PRKG1: variants seen among roughly 807,000 people sequenced by gnomAD.
PRKG1 encodes the protein cGMP-dependent protein kinase 1.
PRKG1 carries 35 observed loss-of-function variants against 88.1 expected under a neutral mutation model. The ratio of observed to expected loss-of-function variants is 0.40; its 90% CI spans 0.30 to 0.53. The LOEUF (loss-of-function observed/expected upper bound fraction) is 0.53. PRKG1 is among the 20% of genes least tolerant of loss of function. PRKG1 has a pLI of 0.59. For synonymous variants in PRKG1, 303 were observed against 292.5 expected (o/e 1.04, Z -0.37); for missense variants, 540 against 839.8 (o/e 0.64, Z 4.41).
At chr10:51,119,763 T>C (rs1845216802) in intron 1 of PRKG1, among the ~76,000 whole-genome samples, 1 of 152,086 alleles carries the variant, frequency 6.6e-6, no homozygotes, top group South Asian at 2.1e-4. Context: ...AAATGACACT[T>C]AGAATTAAGT....
chr10:51,846,512 G>T (rs1270226024), intron 4 of PRKG1, among the ~76,000 whole-genome samples: 4 of 152,092 alleles, frequency 2.6e-5, no homozygotes, highest in African/African-American at 7.2e-5. Flanking sequence ...GCAACCATTT[G>T]TTTACCTTAA....
chr10:51,661,632 G>C (rs925623550), intron 3 of PRKG1, among the ~76,000 whole-genome samples: 1 of 152,156 alleles, frequency 6.6e-6, no homozygotes, highest in African/African-American at 2.4e-5. Flanking sequence ...CTGTTGGTGG[G>C]AGTCTAAACT....
At chr10:51,906,020 G>A (rs1328596215) in intron 4 of PRKG1, among the ~76,000 whole-genome samples, 3 of 152,102 alleles carry the variant, frequency 2.0e-5, no homozygotes, top group East Asian at 3.8e-4. Context: ...TAAAGAGATC[G>A]TGATAGGAGA....
intron 1 of PRKG1, among the ~76,000 whole-genome samples, chr10:51,103,255 A>G (rs1844731270): frequency 6.6e-6 from 1 of 152,180 alleles, no homozygotes; most frequent in African/African-American, 2.4e-5. Context: ...TTGAAGGACA[A>G]TGTTTCCAAA....
At chr10:51,851,743 CT>C (rs1306340523) in intron 4 of PRKG1, among the ~76,000 whole-genome samples, 1 of 152,186 alleles carries the variant, frequency 6.6e-6, no homozygotes, top group African/African-American at 2.4e-5. Context: ...ATGCAATGCT[CT>C]TCTGGATATG....
intron 2 of PRKG1, among the ~76,000 whole-genome samples, chr10:51,315,687 G>C (rs770375695): frequency 6.6e-6 from 1 of 152,162 alleles, no homozygotes; most frequent in Non-Finnish European, 1.5e-5. Context: ...TAATTCAGTT[G>C]TGGGCCAATT....
chr10:51,631,006 C>A (rs1360257149), intron 3 of PRKG1, among the ~76,000 whole-genome samples: 1 of 152,196 alleles, frequency 6.6e-6, no homozygotes, highest in African/African-American at 2.4e-5. Flanking sequence ...TGCTTGGTCT[C>A]CATGTGGCAA....
chr10:51,180,026 T>C (rs1222326432), intron 2 of PRKG1, among the ~76,000 whole-genome samples: 1 of 152,224 alleles, frequency 6.6e-6, no homozygotes, highest in Non-Finnish European at 1.5e-5. Flanking sequence ...CTGTGAGCTG[T>C]CCACATATCT....
At chr10:52,204,060 A>T (rs1839745160) in intron 9 of PRKG1, among the ~76,000 whole-genome samples, 2 of 145,330 alleles carry the variant, frequency 1.4e-5, no homozygotes, top group African/African-American at 2.6e-5. Flanking sequence ...TCCTGTCACC[A>T]TGTTGTTCGC....
intron 7 of PRKG1, among the ~76,000 whole-genome samples, chr10:52,094,216 A>T (rs929183205): frequency 6.6e-6 from 1 of 152,142 alleles, no homozygotes; most frequent in Non-Finnish European, 1.5e-5. Flanking sequence ...ACAGTGAAGG[A>T]TTTGAAATTC....
chr10:51,426,506 C>T (rs191247117), intron 2 of PRKG1, among the ~76,000 whole-genome samples: 3 of 152,172 alleles, frequency 2.0e-5, no homozygotes, highest in Admixed American at 1.3e-4. Context: ...TGGTGATAGA[C>T]ATGTAGACAA....
At chr10:51,856,605 T>C (rs959174780) in intron 4 of PRKG1, among the ~76,000 whole-genome samples, 4 of 152,156 alleles carry the variant, frequency 2.6e-5, no homozygotes, top group Non-Finnish European at 4.4e-5. Context: ...ATAAGGCTAT[T>C]GTAATGATAT....
chr10:51,818,012 T>C (rs978345461), intron 4 of PRKG1, among the ~76,000 whole-genome samples: 5 of 152,294 alleles, frequency 3.3e-5, no homozygotes, highest in African/African-American at 1.2e-4. Context: ...CCAATTCATA[T>C]TTTAAGTCCT....
intron 3 of PRKG1, among the ~76,000 whole-genome samples, chr10:51,583,399 G>A (rs1183810358): frequency 1.3e-5 from 2 of 152,056 alleles, no homozygotes; most frequent in Non-Finnish European, 2.9e-5. Context: ...TCTCATCATT[G>A]TTTAGTCTTC....
chr10:51,685,091 T>A (rs185507570), intron 3 of PRKG1, among the ~76,000 whole-genome samples: 1 of 152,292 alleles, frequency 6.6e-6, no homozygotes, highest in East Asian at 1.9e-4. Flanking sequence ...TCTAGACCTG[T>A]AATGACCTTC....
At chr10:51,995,803 CTTAA>C (rs1179039707) in intron 5 of PRKG1, among the ~76,000 whole-genome samples, 2 of 151,970 alleles carry the variant, frequency 1.3e-5, no homozygotes, top group East Asian at 1.9e-4. Context: ...TGATATGAAG[CTTAA>C]TTGAGACAAT....
At chr10:51,122,299 C>T (rs912809375) in intron 1 of PRKG1, among the ~76,000 whole-genome samples, 1 of 152,156 alleles carries the variant, frequency 6.6e-6, no homozygotes, top group African/African-American at 2.4e-5. Flanking sequence ...TGCATCATGC[C>T]CTTCTCCCAA....
chr10:51,561,572 G>T (rs775587697), intron 3 of PRKG1, among the ~76,000 whole-genome samples: 30 of 151,664 alleles, frequency 2.0e-4, no homozygotes, highest in Non-Finnish European at 4.1e-4. Flanking sequence ...GCAAAGAATA[G>T]AAAGTAGCTT....
chr10:51,517,212 T>G (rs112365538), intron 3 of PRKG1, among the ~76,000 whole-genome samples: 37 of 152,262 alleles, frequency 2.4e-4, no homozygotes, highest in African/African-American at 8.4e-4. Context: ...CAAGGTTTGA[T>G]AAAGAGTGGA....
Sources: gnomAD v4.1 joint callset for allele counts (sites outside exome capture counted in the v4.1 genomes callset) on GRCh38, gnomAD v4.1.1 for gene constraint, MANE v1.5 for transcripts, NCBI Gene and HGNC (gene_info 2026-07-23, HGNC 2026-07-21) for gene names.